The following HFM1 variants were observed in gnomAD, a reference collection of about 807,000 sequenced individuals.
HFM1 encodes probable ATP-dependent DNA helicase HFM1.
HFM1 carries 169 observed loss-of-function variants against 192.1 expected under a neutral mutation model. The ratio of observed to expected loss-of-function variants is 0.88; its 90% CI spans 0.78 to 1.00. HFM1 has a LOEUF of 1.00. Among genes scored for constraint, HFM1 ranks in the 50% least tolerant of loss-of-function variants. HFM1 has a pLI of 0.00. For missense variants in HFM1, 1,661 were observed against 1,668.0 expected (o/e 1.00, Z 0.07); for synonymous variants, 525 against 537.8 (o/e 0.98, Z 0.33).
intron 30 of HFM1, among the ~76,000 whole-genome samples, chr1:91,296,746 T>G (rs1647648922): frequency 6.6e-6 from 1 of 152,230 alleles, no homozygotes; most frequent in African/African-American, 2.4e-5. Flanking sequence ...TCTTTTGTTA[T>G]TCTATTACAA....
intron 13 of HFM1, among the ~76,000 whole-genome samples, chr1:91,353,829 C>G (rs1431435768): frequency 1.3e-5 from 2 of 149,250 alleles, no homozygotes; most frequent in Admixed American, 6.7e-5. Flanking sequence ...ACATTTTGAA[C>G]AGAATGACTA....
chr1:91,364,630 A>ATTTTTT (rs369717640), intron 13 of HFM1, among the ~76,000 whole-genome samples: 61 of 74,140 alleles, frequency 8.2e-4, no homozygotes, highest in African/African-American at 2.0e-3. Context: ...ATATATATAT[A>ATTTTTT]TATTTTTTTT....
In HFM1 at chr1:91,305,170, G is replaced by A. The variant is rs928083888; in HGVS notation, c.3391+8179C>T. ...TATTCTGGGTCCCTTGTATTTCCACGTGAATTTTAGGATCAGCCTGTGAAT... is the reference window on the plus strand; with the variant it reads ...TATTCTGGGTCCCTTGTATTTCCACATGAATTTTAGGATCAGCCTGTGAAT... On this transcript the variant is annotated intron_variant, in intron 30 of 38. Transcript: ENST00000370425. Among the ~76,000 whole-genome samples, 51 of 152,126 alleles carry A rather than the reference G, an allele frequency of 3.4e-4. 1 individual carries two copies. Among genetic ancestry groups the A allele is most frequent in the Middle Eastern group, 3.4e-3 (1 of 294 alleles).
chr1:91,407,037 C>T (rs1453856488), upstream of HFM1, among the ~76,000 whole-genome samples: 1 of 152,088 alleles, frequency 6.6e-6, no homozygotes. Flanking sequence ...GTAAAACATG[C>T]GTAATATTTA....
chr1:91,265,781 C>T (rs1000621324), intron 36 of HFM1, among the ~76,000 whole-genome samples: 2 of 152,138 alleles, frequency 1.3e-5, no homozygotes, highest in African/African-American at 2.4e-5. Context: ...GACAAAAATT[C>T]GGTAGATCTA....
At chr1:91,301,249 G>A (rs1413660212) in intron 30 of HFM1, among the ~76,000 whole-genome samples, 1 of 150,714 alleles carries the variant, frequency 6.6e-6, no homozygotes, top group Non-Finnish European at 1.5e-5. Flanking sequence ...CCTCTTCAAG[G>A]AGAACTACAA....
At chr1:91,318,264 C>T (rs534252395) in intron 25 of HFM1, among the ~76,000 whole-genome samples, 2 of 152,256 alleles carry the variant, frequency 1.3e-5, no homozygotes, top group Admixed American at 1.3e-4. Context: ...CCTCTGCCAC[C>T]CCACTGATTT....
Position 91,261,255 on chromosome 1 carries a change from C to A in HFM1, c.*35G>T. 1.1e-6 allele frequency: 1 copy of A among 926,344 alleles called. No homozygotes were observed. Among genetic ancestry groups the A allele is most frequent in the Non-Finnish European group, 1.5e-6 (1 of 666,466 alleles). 57.4% of individuals were successfully genotyped at this position (926,344 alleles called of 1,614,324 possible). A position where few individuals can be genotyped will look rare whatever the true frequency, so the allele number is the denominator to read the frequency against. The stretch of plus-strand genomic sequence containing the variant: ...TGCTTTGTGATTAGGTGTCTTTATT[C>A]TTTCTCTTATCAATATAAAAAGTAT... On this transcript the variant is annotated 3_prime_UTR_variant, in exon 39 of 39. Coordinates refer to ENST00000370425, the MANE Select transcript of HFM1 (RefSeq NM_001017975.6).
intron 3 of HFM1, among the ~76,000 whole-genome samples, chr1:91,395,811 T>G (rs971236599): frequency 5.3e-5 from 8 of 152,102 alleles, no homozygotes; most frequent in Non-Finnish European, 1.0e-4. Context: ...TGGGTTTGGC[T>G]TCACAACAAA....
intron 30 of HFM1, among the ~76,000 whole-genome samples, chr1:91,285,875 C>T (rs912468712): frequency 2.6e-5 from 4 of 152,134 alleles, no homozygotes; most frequent in Admixed American, 1.3e-4. Flanking sequence ...TTCCTTTGCC[C>T]AGCATATCCA....
intron 34 of HFM1, among the ~76,000 whole-genome samples, chr1:91,272,726 AG>A (rs1281291547): frequency 6.6e-6 from 1 of 152,068 alleles, no homozygotes; most frequent in Non-Finnish European, 1.5e-5. Context: ...TCTCCAGGTG[AG>A]ATTAGGGAAC....
At chr1:91,388,261 C>T (rs1231692416) in intron 4 of HFM1, among the ~76,000 whole-genome samples, 1 of 152,140 alleles carries the variant, frequency 6.6e-6, no homozygotes, top group Non-Finnish European at 1.5e-5. Flanking sequence ...GTTGGCCAGA[C>T]AGAAATGTGG....
intron 13 of HFM1, among the ~76,000 whole-genome samples, chr1:91,357,948 CA>C (rs1657966097): frequency 6.6e-6 from 1 of 151,910 alleles, no homozygotes; most frequent in Non-Finnish European, 1.5e-5. Flanking sequence ...AAATCCAAGA[CA>C]AAAATAAATG....
At chr1:91,365,623 A>C (rs59078007) in intron 13 of HFM1, among the ~76,000 whole-genome samples, 1 of 152,120 alleles carries the variant, frequency 6.6e-6, no homozygotes, top group South Asian at 2.1e-4. Flanking sequence ...ATATAAAAAC[A>C]TCTAGTATTT....
chr1:91,370,324 C>G (rs914652223), intron 13 of HFM1, among the ~76,000 whole-genome samples: 2 of 152,036 alleles, frequency 1.3e-5, no homozygotes, highest in Non-Finnish European at 2.9e-5. Flanking sequence ...TGATGAACAT[C>G]GATGCAAAAA....
chr1:91,285,048 G>A (rs1667812779), intron 30 of HFM1, among the ~76,000 whole-genome samples: 1 of 152,018 alleles, frequency 6.6e-6, no homozygotes, highest in Non-Finnish European at 1.5e-5. Flanking sequence ...TTTTATAAGG[G>A]GTCTCTCCTT....
chr1:91,366,929 G>A (rs1659404058), intron 13 of HFM1, among the ~76,000 whole-genome samples: 1 of 152,190 alleles, frequency 6.6e-6, no homozygotes, highest in Non-Finnish European at 1.5e-5. Context: ...CTTTCCTAAT[G>A]GTCTTAGCAA....
At chr1:91,367,937 G>A (rs564903211) in intron 13 of HFM1, among the ~76,000 whole-genome samples, 31 of 152,192 alleles carry the variant, frequency 2.0e-4, no homozygotes, top group Non-Finnish European at 4.1e-4. Context: ...ACCACAGCAC[G>A]AGAACTATGT....
rs1212700549 is a variant in HFM1 at position 91,378,028 on chromosome 1, C to A, written c.1392G>T (p.Glu464Asp). 3.1e-6 allele frequency: 5 copies of A among 1,610,470 alleles called. No homozygotes were observed. In the South Asian group the frequency reaches 5.5e-5, roughly 18 times the overall value. Residue 464 changes from glutamate (E) to aspartate (D), a missense_variant, in exon 11 of 39, where the codon GAG becomes GAT. Glu to Asp is a conservative substitution (Grantham distance 45). Coordinates refer to ENST00000370425, the MANE Select transcript of HFM1 (RefSeq NM_001017975.6). ...CTCAGTTAAAATTGTAACTCACATCCTCAGCATTTGGAATTGTTGCAGATA... is the reference window on the plus strand; with the variant it reads ...CTCAGTTAAAATTGTAACTCACATCATCAGCATTTGGAATTGTTGCAGATA... ...VAVSATIPNA[E>D]DIAEWLSDGE... is the part of the protein sequence containing the mutation.
Sources: allele counts gnomAD v4.1 joint callset (sites outside exome capture counted in the v4.1 genomes callset), GRCh38; gene constraint gnomAD v4.1.1; transcripts MANE v1.5; gene names NCBI Gene and HGNC (gene_info 2026-07-23, HGNC 2026-07-21).